Variants in SHQ1 observed in about 807,000 individuals in gnomAD.
SHQ1 encodes the protein protein SHQ1 homolog.
In SHQ1, 49 loss-of-function variants were observed where a neutral mutation model predicts 53.8. The observed-to-expected ratio is 0.91, with a 90% CI of 0.72 to 1.16. SHQ1 has a LOEUF of 1.16. SHQ1 is among the 50% of genes most tolerant of loss of function. The pLI is 0.00. For missense variants in SHQ1, 738 were observed against 683.1 expected (o/e 1.08, Z -0.90); for synonymous variants, 243 against 251.0 (o/e 0.97, Z 0.30).
Position 72,751,529 on chromosome 3 carries a change from TACATATAC to T in SHQ1, c.1182-701_1182-694del, listed in dbSNP as rs1359599675. On this transcript the variant is annotated intron_variant, in intron 10 of 10. Transcript: ENST00000325599. ...GTGTGTATATATATATATATATATA[TACATATAC>T]ATACACTAATAAAGCCTAACTCTCC... 1.7e-4 allele frequency among the ~76,000 whole-genome samples: 24 copies of T among 138,026 alleles called. 1 individual carries two copies. The highest frequency in any genetic ancestry group is 7.1e-4 in the African/African-American group (24 of 34,012). The allele number at this position is 138,026 out of a possible 152,430, so 90.6% of individuals were successfully genotyped here.
At chr3:72,775,064 G>A (rs1354779074) in intron 10 of SHQ1, among the ~76,000 whole-genome samples, 1 of 152,146 alleles carries the variant, frequency 6.6e-6, no homozygotes, top group East Asian at 1.9e-4. Context: ...GCAGTGAGCA[G>A]AGATCATGCC....
At chr3:72,744,268 C>T in the SHQ1 span, among the ~76,000 whole-genome samples, 3 of 152,170 alleles carry the variant, frequency 2.0e-5, no homozygotes, top group South Asian at 4.1e-4. Context: ...TGGGAAATAG[C>T]TTCAAAGACA....
chr3:72,808,084 A>T (rs1049127006), intron 9 of SHQ1, among the ~76,000 whole-genome samples: 1 of 152,368 alleles, frequency 6.6e-6, no homozygotes, highest in East Asian at 1.9e-4. Flanking sequence ...AGCCAAAAAA[A>T]TTTAGAAAAC....
At chr3:72,787,916 G>C (rs935749678) in intron 10 of SHQ1, among the ~76,000 whole-genome samples, 1 of 152,196 alleles carries the variant, frequency 6.6e-6, no homozygotes, top group Admixed American at 6.5e-5. Context: ...GGGTTTCGCC[G>C]TGCTGGCCGG....
At chr3:72,811,004 T>C (rs963489357) in intron 9 of SHQ1, among the ~76,000 whole-genome samples, 1 of 152,230 alleles carries the variant, frequency 6.6e-6, no homozygotes, top group Non-Finnish European at 1.5e-5. Flanking sequence ...AAATTAAGTC[T>C]CAATTTCAAT....
intron 9 of SHQ1, among the ~76,000 whole-genome samples, chr3:72,812,004 G>T (rs558624431): frequency 2.6e-5 from 4 of 152,308 alleles, no homozygotes; most frequent in African/African-American, 7.2e-5. Context: ...CATTATCTTG[G>T]AAATTATATA....
At chr3:72,778,269 G>C (rs1705997995) in intron 10 of SHQ1, among the ~76,000 whole-genome samples, 1 of 151,970 alleles carries the variant, frequency 6.6e-6, no homozygotes, top group Non-Finnish European at 1.5e-5. Flanking sequence ...AACCAGCCTG[G>C]GGTAACAAAG....
rs892566524 is a variant in SHQ1 at position 72,750,919 on chromosome 3, A to T, written c.1182-83T>A. ...CAGGTTATACAGCTTCCAAAAAAAT[A>T]AAGTTGAATCCATATTTTAAATGGC... On this transcript the variant is annotated intron_variant, in intron 10 of 10. Transcript: ENST00000325599. 5 of 1,167,604 alleles carry T rather than the reference A, an allele frequency of 4.3e-6. No homozygotes were observed. The South Asian group carries it at 8.4e-5, about 20-fold the overall frequency. 72.3% of individuals were successfully genotyped at this position (1,167,604 alleles called of 1,614,324 possible). A position where few individuals can be genotyped will look rare whatever the true frequency, so the allele number is the denominator to read the frequency against.
At chr3:72,753,471 C>G (rs890694535) in intron 10 of SHQ1, 2 of 985,276 alleles carry the variant, frequency 2.0e-6, no homozygotes, top group Non-Finnish European at 2.4e-6. Context: ...GGGATTGCCC[C>G]CCACCCCCCA....
chr3:72,760,719 T>C (rs1705592983), intron 10 of SHQ1, among the ~76,000 whole-genome samples: 1 of 152,248 alleles, frequency 6.6e-6, no homozygotes, highest in African/African-American at 2.4e-5. Context: ...TGTTGAAAAC[T>C]TCAATGCTAC....
chr3:72,768,375 G>T (rs1575681323), intron 10 of SHQ1, among the ~76,000 whole-genome samples: 1 of 152,200 alleles, frequency 6.6e-6, no homozygotes, highest in Non-Finnish European at 1.5e-5. Flanking sequence ...AAGTGCAGAA[G>T]AAAGGGAAAT....
At chr3:72,747,102 T>C (rs1201036767), downstream of SHQ1, among the ~76,000 whole-genome samples, 5 of 152,184 alleles carry the variant, frequency 3.3e-5, no homozygotes, top group African/African-American at 9.7e-5. Context: ...AAAAGCATCA[T>C]ACCCTTTCTT....
chr3:72,754,383 TC>T (rs1705454930), intron 10 of SHQ1, among the ~76,000 whole-genome samples: 2 of 147,320 alleles, frequency 1.4e-5, no homozygotes, highest in African/African-American at 5.2e-5. Context: ...TTTTTCTTCT[TC>T]TTTTTTTTTT....
chr3:72,729,778 A>G, the SHQ1 span, among the ~76,000 whole-genome samples: 1 of 151,842 alleles, frequency 6.6e-6, no homozygotes, highest in African/African-American at 2.4e-5. Context: ...AATTCCACAA[A>G]TTATTTTTTT....
In SHQ1 at chr3:72,821,327, T is replaced by G. The variant is rs577090771; in HGVS notation, c.727+3097A>C. ...CGTGCCAAGACTCTGGAGCTTCAGATTAACCACTGAAAGACAACATGGGAA... is the reference window on the plus strand; with the variant it reads ...CGTGCCAAGACTCTGGAGCTTCAGAGTAACCACTGAAAGACAACATGGGAA... On this transcript the variant is annotated intron_variant, in intron 6 of 10. Coordinates refer to ENST00000325599, the MANE Select transcript of SHQ1 (RefSeq NM_018130.3). Among the ~76,000 whole-genome samples the G allele has an allele frequency of 5.2e-4, 79 of 152,276 alleles. No individual in the cohort carries two copies. The South Asian group carries it at 0.016, about 31-fold the overall frequency.
chr3:72,813,465 CAAA>C (rs938471344), intron 8 of SHQ1, among the ~76,000 whole-genome samples: 3 of 61,444 alleles, frequency 4.9e-5, no homozygotes, highest in African/African-American at 6.3e-5. Flanking sequence ...GACTCCATCT[CAAA>C]AAAAAAAAAA....
chr3:72,751,050 G>A (rs1485277105), intron 10 of SHQ1, among the ~76,000 whole-genome samples: 1 of 152,158 alleles, frequency 6.6e-6, no homozygotes, highest in Non-Finnish European at 1.5e-5. Context: ...CTAAGAAGGA[G>A]GAAGACTTTT....
intron 10 of SHQ1, among the ~76,000 whole-genome samples, chr3:72,767,167 T>G (rs1360505230): frequency 6.6e-6 from 1 of 152,184 alleles, no homozygotes; most frequent in East Asian, 1.9e-4. Context: ...CAAATTGCTT[T>G]CATATGTACG....
chr3:72,816,646 G>T (rs1440762732), intron 7 of SHQ1, among the ~76,000 whole-genome samples: 1 of 151,988 alleles, frequency 6.6e-6, no homozygotes, highest in African/African-American at 2.4e-5. Context: ...AAAAGATGAA[G>T]AAATAATTTA....
Sources: allele counts gnomAD v4.1 joint callset (sites outside exome capture counted in the v4.1 genomes callset), GRCh38; gene constraint gnomAD v4.1.1; transcripts MANE v1.5; gene names NCBI Gene and HGNC (gene_info 2026-07-23, HGNC 2026-07-21).